SUCLG2: variants seen among roughly 807,000 people sequenced by gnomAD.
SUCLG2 encodes the protein succinate-CoA ligase GDP-forming subunit beta, also known as succinate--CoA ligase [GDP-forming] subunit beta, mitochondrial.
In SUCLG2, 42 loss-of-function variants were observed where a neutral mutation model predicts 47.9. The observed-to-expected ratio is 0.88, with a 90% CI of 0.69 to 1.14. The LOEUF (loss-of-function observed/expected upper bound fraction) is 1.14, where lower values mean the gene tolerates loss of function less well. Ranked by LOEUF, SUCLG2 falls within the 50% of genes most tolerant of loss-of-function variation. The pLI is 0.00. For missense variants in SUCLG2, 571 were observed against 525.9 expected (o/e 1.09, Z -0.84); for synonymous variants, 195 against 197.3 (o/e 0.99, Z 0.10).
intron 9 of SUCLG2, 44 bp from the exon 10 acceptor site, chr3:67,400,895 C>G: frequency 6.2e-7 from 1 of 1,607,312 alleles, no homozygotes; most frequent in Non-Finnish European, 8.5e-7. Context: ...TGCTGATCGC[C>G]AACAGTCTCA....
At chr3:67,623,101 G>T (rs1049117207) in intron 1 of SUCLG2, among the ~76,000 whole-genome samples, 1 of 152,090 alleles carries the variant, frequency 6.6e-6, no homozygotes, top group Non-Finnish European at 1.5e-5. Flanking sequence ...CTATGTGTAT[G>T]TATGTGTATA....
chr3:67,446,417 ATTTTTTT>A (rs750956324), intron 9 of SUCLG2, among the ~76,000 whole-genome samples: 115 of 32,176 alleles, frequency 3.6e-3, no homozygotes, highest in African/African-American at 0.014. Flanking sequence ...ACATATGTAC[ATTTTTTT>A]TTTTTTTTTT....
chr3:67,586,131 T>C (rs1708014605), intron 2 of SUCLG2, among the ~76,000 whole-genome samples: 1 of 152,178 alleles, frequency 6.6e-6, no homozygotes. Flanking sequence ...GTTAAATAAA[T>C]AGCATGCTAC....
At position 67,460,777 on chromosome 3, in the gene SUCLG2, A is replaced by C. The variant is rs146229262; in HGVS notation, c.1062+35021T>G. 2.8e-3 allele frequency among the ~76,000 whole-genome samples: 423 copies of C among 152,338 alleles called. 6 individuals are homozygous for C. Among genetic ancestry groups the C allele is most frequent in the African/African-American group, 9.6e-3 (397 of 41,570 alleles). ...TTAATACTGATTTTGATCTGATAGTAAAAACAATACAGGCCCACTGGGAAG... is the reference window on the plus strand; with the variant it reads ...TTAATACTGATTTTGATCTGATAGTCAAAACAATACAGGCCCACTGGGAAG... On this transcript the variant is annotated intron_variant, in intron 9 of 10. Coordinates refer to ENST00000307227, the MANE Select transcript of SUCLG2 (RefSeq NM_003848.4).
chr3:67,482,513 T>C (rs1008448816), intron 9 of SUCLG2, among the ~76,000 whole-genome samples: 8 of 152,226 alleles, frequency 5.3e-5, no homozygotes, highest in Non-Finnish European at 1.0e-4. Flanking sequence ...CTTATTTGAA[T>C]ACCAAATATC....
In SUCLG2 at chr3:67,594,461, C is replaced by T. The variant is rs188523116; in HGVS notation, c.226+14994G>A. On this transcript the variant is annotated intron_variant, in intron 2 of 10. Coordinates refer to ENST00000307227, the MANE Select transcript of SUCLG2 (RefSeq NM_003848.4). ...TCTCCTGTCACCTGTGCTTGAAACA[C>T]TTTCATCCCAGTTCTCATGACTGGC... Among the ~76,000 whole-genome samples the T allele has an allele frequency of 6.3e-3, 963 of 152,284 alleles. 1 individual carries two copies. Among genetic ancestry groups the T allele is most frequent in the Non-Finnish European group, 0.01 (710 of 68,032 alleles).
At chr3:67,614,876 T>C (rs1366450946) in intron 1 of SUCLG2, among the ~76,000 whole-genome samples, 1 of 152,150 alleles carries the variant, frequency 6.6e-6, no homozygotes. Flanking sequence ...CCCAGCTTTT[T>C]TCCTTCCTTC....
chr3:67,520,077 A>G (rs367673545), intron 5 of SUCLG2, among the ~76,000 whole-genome samples: 1 of 152,314 alleles, frequency 6.6e-6, no homozygotes, highest in Admixed American at 6.5e-5. Context: ...TCTAGTTCAC[A>G]TCTGCTAAAA....
chr3:67,388,107 T>A (rs779279401), intron 10 of SUCLG2, among the ~76,000 whole-genome samples: 3 of 152,200 alleles, frequency 2.0e-5, no homozygotes, highest in Admixed American at 1.3e-4. Context: ...TTGCTGAATC[T>A]TCAGAAATAT....
chr3:67,451,446 G>C (rs1045255189), intron 9 of SUCLG2, among the ~76,000 whole-genome samples: 3 of 152,180 alleles, frequency 2.0e-5, no homozygotes, highest in Non-Finnish European at 2.9e-5. Flanking sequence ...TGTCAGAAAA[G>C]AGTGACAAAA....
chr3:67,457,774 C>T (rs947972697), intron 9 of SUCLG2, among the ~76,000 whole-genome samples: 6 of 126,018 alleles, frequency 4.8e-5, no homozygotes, highest in Non-Finnish European at 9.4e-5. Flanking sequence ...AGAGCAATAA[C>T]ATTTATGGGA....
chr3:67,550,073 T>C (rs1216211226), intron 2 of SUCLG2, among the ~76,000 whole-genome samples: 2 of 152,236 alleles, frequency 1.3e-5, no homozygotes, highest in East Asian at 1.9e-4. Flanking sequence ...TTGACACTTC[T>C]GAATTCAGCT....
intron 2 of SUCLG2, among the ~76,000 whole-genome samples, chr3:67,544,023 C>A (rs964488386): frequency 3.3e-5 from 5 of 152,098 alleles, no homozygotes; most frequent in Admixed American, 3.3e-4. Context: ...CTGGGAGTGG[C>A]AGGAAAATGT....
chr3:67,466,809 A>C (rs528211066), intron 9 of SUCLG2, among the ~76,000 whole-genome samples: 1 of 152,212 alleles, frequency 6.6e-6, no homozygotes, highest in Non-Finnish European at 1.5e-5. Context: ...ATTGATTACT[A>C]TCAGGAAACG....
chr3:67,583,504 G>A lies in SUCLG2; in HGVS notation c.226+25951C>T, dbSNP rs537961573. ...CCTGTTTTAGTTTACTTTTGCTGTC[G>A]TGGCAGATTATTACAAATGTAAAGG... On this transcript the variant is annotated intron_variant, in intron 2 of 10. Coordinates refer to ENST00000307227, the MANE Select transcript of SUCLG2 (RefSeq NM_003848.4). 6.2e-4 allele frequency among the ~76,000 whole-genome samples: 95 copies of A among 152,280 alleles called. 1 individual carries two copies. The highest frequency in any genetic ancestry group is 2.2e-3 in the African/African-American group (90 of 41,554).
intron 10 of SUCLG2, among the ~76,000 whole-genome samples, chr3:67,364,155 G>A (rs1192852325): frequency 1.3e-5 from 2 of 152,216 alleles, no homozygotes; most frequent in Non-Finnish European, 2.9e-5. Flanking sequence ...TGAAGCCCAT[G>A]AAGGCTGATT....
chr3:67,461,217 A>T (rs1704324032), intron 9 of SUCLG2, among the ~76,000 whole-genome samples: 1 of 152,134 alleles, frequency 6.6e-6, no homozygotes. Flanking sequence ...TTAACAATTT[A>T]CCCACAGCAT....
At chr3:67,600,378 C>T (rs971206040) in intron 2 of SUCLG2, among the ~76,000 whole-genome samples, 7 of 152,182 alleles carry the variant, frequency 4.6e-5, no homozygotes, top group African/African-American at 1.7e-4. Flanking sequence ...GTGAGTGCCT[C>T]ATTTGTGTGA....
chr3:67,384,400 A>G (rs750837821), intron 10 of SUCLG2, among the ~76,000 whole-genome samples: 7 of 152,244 alleles, frequency 4.6e-5, no homozygotes, highest in Non-Finnish European at 7.3e-5. Flanking sequence ...TTTGTTAAAA[A>G]AAGATTACTG....
Sources: allele counts gnomAD v4.1 joint callset (sites outside exome capture counted in the v4.1 genomes callset), GRCh38; gene constraint gnomAD v4.1.1; transcripts MANE v1.5; gene names NCBI Gene and HGNC (gene_info 2026-07-23, HGNC 2026-07-21).